ENPP6: variants seen among roughly 807,000 people sequenced by gnomAD.
ENPP6 encodes the protein ectonucleotide pyrophosphatase/phosphodiesterase 6.
A neutral mutation model predicts 42.0 loss-of-function variants in ENPP6; 32 were observed. That is an observed-to-expected ratio of 0.76 (90% CI 0.58 to 1.02). The LOEUF (loss-of-function observed/expected upper bound fraction) is 1.02. Among genes scored for constraint, ENPP6 ranks in the 50% least tolerant of loss-of-function variants. The pLI is 0.00. For synonymous variants in ENPP6, 213 were observed against 216.0 expected, an observed-to-expected ratio of 0.99 and a Z score of 0.12; for missense variants, 552 against 566.8, an observed-to-expected ratio of 0.97 and a Z score of 0.27.
At chr4:184,177,867 A>G (rs1036171288) in intron 1 of ENPP6, among the ~76,000 whole-genome samples, 1 of 152,226 alleles carries the variant, frequency 6.6e-6, no homozygotes, top group African/African-American at 2.4e-5. Context: ...ACTCCATCCA[A>G]ATGTCAGCAG....
chr4:184,168,817 T>C (rs1480330437), intron 1 of ENPP6, among the ~76,000 whole-genome samples: 1 of 152,142 alleles, frequency 6.6e-6, no homozygotes, highest in African/African-American at 2.4e-5. Context: ...GGCCACGCGC[T>C]GCAGCAAACG....
intron 2 of ENPP6, among the ~76,000 whole-genome samples, chr4:184,131,258 C>CTTTCTCTTTCTTTCTTTCCTTCTT (rs1289670998): frequency 0.014 from 509 of 36,174 alleles, 30 homozygotes; most frequent in Admixed American, 0.018. Context: ...CTTTCTCTTT[C>CTTTCTCTTTCTTTCTTTCCTTCTT]TCTTCCTTCC....
intron 1 of ENPP6, among the ~76,000 whole-genome samples, chr4:184,214,334 C>T (rs1733163799): frequency 6.6e-6 from 1 of 152,026 alleles, no homozygotes; most frequent in African/African-American, 2.4e-5. Context: ...TTGCTTTTGT[C>T]CTGATATAAA....
At chr4:184,199,244 T>A (rs985459324) in intron 1 of ENPP6, among the ~76,000 whole-genome samples, 8 of 152,178 alleles carry the variant, frequency 5.3e-5, no homozygotes, top group Non-Finnish European at 7.4e-5. Flanking sequence ...AAGTTACCCA[T>A]CTTCCCTCTT....
At chr4:184,175,103 C>T (rs1046927455) in intron 1 of ENPP6, among the ~76,000 whole-genome samples, 17 of 152,288 alleles carry the variant, frequency 1.1e-4, no homozygotes, top group Admixed American at 4.6e-4. Context: ...GACCTGACCC[C>T]GCTCTCCCTC....
rs548219385 is a variant in ENPP6 at position 184,166,720 on chromosome 4, A to G, written c.242-12987T>C. On this transcript the variant is annotated intron_variant, in intron 1 of 7. Coordinates refer to ENST00000296741, the MANE Select transcript of ENPP6 (RefSeq NM_153343.4). ...GAGGCTTCTCAAAAGATGGTAGATG[A>G]TATTTGGAGGGAGGAGCTTCTTACT... Among the ~76,000 whole-genome samples the G allele has an allele frequency of 2.0e-5, 3 of 152,258 alleles. 1 individual carries two copies. The East Asian group carries it at 5.8e-4, about 29-fold the overall frequency.
chr4:184,124,323 G>T, intron 2 of ENPP6, 51 bp from the exon 3 acceptor site: 1 of 1,373,212 alleles, frequency 7.3e-7, no homozygotes, highest in Non-Finnish European at 1.0e-6. Flanking sequence ...AAGTAATGTC[G>T]AGTTATGAGC....
At chr4:184,094,904 C>T (rs998279755) in intron 7 of ENPP6, among the ~76,000 whole-genome samples, 4 of 152,256 alleles carry the variant, frequency 2.6e-5, no homozygotes, top group Non-Finnish European at 5.9e-5. Context: ...GGACCAGACT[C>T]ACTGACTTCT....
chr4:184,164,222 C>T (rs1737313615), intron 1 of ENPP6, among the ~76,000 whole-genome samples: 1 of 152,194 alleles, frequency 6.6e-6, no homozygotes, highest in Admixed American at 6.5e-5. Flanking sequence ...ACTCTCCGGG[C>T]TAGATTGCAA....
At chr4:184,171,357 C>T (rs1381224074) in intron 1 of ENPP6, among the ~76,000 whole-genome samples, 1 of 152,238 alleles carries the variant, frequency 6.6e-6, no homozygotes, top group Admixed American at 6.5e-5. Context: ...AGAGAACAGG[C>T]TTGGCATTGA....
At position 184,144,361 on chromosome 4, in the gene ENPP6, C is replaced by A. The variant is rs185716874; in HGVS notation, c.421+9193G>T. On this transcript the variant is annotated intron_variant, in intron 2 of 7. Coordinates refer to ENST00000296741, the MANE Select transcript of ENPP6 (RefSeq NM_153343.4). ...GCAGGAGCCCCAGCAGTGCCAGGCC[C>A]TCTCCAGACCTGGCCAGAAACCAGG... is the stretch of plus-strand genomic sequence containing the variant. Among the ~76,000 whole-genome samples the A allele has an allele frequency of 5.9e-5, 9 of 152,288 alleles. No homozygotes were observed. In the East Asian group the frequency reaches 1.5e-3, roughly 26 times the overall value.
At chr4:184,120,327 G>A (rs1350402586) in intron 3 of ENPP6, among the ~76,000 whole-genome samples, 2 of 152,160 alleles carry the variant, frequency 1.3e-5, no homozygotes, top group Non-Finnish European at 2.9e-5. Flanking sequence ...GAGGCTCTGG[G>A]ATCCTGAAGG....
intron 1 of ENPP6, among the ~76,000 whole-genome samples, chr4:184,201,902 G>A (rs1041895264): frequency 1.3e-5 from 2 of 152,076 alleles, no homozygotes; most frequent in African/African-American, 4.8e-5. Context: ...GGTGTCTCTG[G>A]GAAGTATATG....
chr4:184,212,770 C>T (rs536734563), intron 1 of ENPP6, among the ~76,000 whole-genome samples: 14 of 151,834 alleles, frequency 9.2e-5, no homozygotes, highest in East Asian at 3.9e-4. Flanking sequence ...AAAAAGAGCC[C>T]GTATCGCCAA....
intron 2 of ENPP6, among the ~76,000 whole-genome samples, chr4:184,133,421 T>C (rs1023320251): frequency 4.6e-5 from 7 of 152,224 alleles, no homozygotes; most frequent in Non-Finnish European, 1.0e-4. Flanking sequence ...TTTAATTTTT[T>C]CTCAGTTTTC....
rs535650734 is a variant in ENPP6, at chr4:184,148,325, G to A, written c.421+5229C>T. Reference sequence around the variant, plus strand: ...TTGGAAGTTCGTCCCTGGATTTCTCGTTAAAACTTTCTAATCAACATAATG... The same window carrying A: ...TTGGAAGTTCGTCCCTGGATTTCTCATTAAAACTTTCTAATCAACATAATG... On this transcript the variant is annotated intron_variant, in intron 2 of 7. Coordinates refer to ENST00000296741, the MANE Select transcript of ENPP6 (RefSeq NM_153343.4). 6.8e-4 allele frequency among the ~76,000 whole-genome samples: 103 copies of A among 152,260 alleles called. 1 individual carries two copies. The highest frequency in any genetic ancestry group is 2.2e-3 in the African/African-American group (90 of 41,542).
chr4:184,161,984 C>T (rs1579642703), intron 1 of ENPP6, among the ~76,000 whole-genome samples: 1 of 152,220 alleles, frequency 6.6e-6, no homozygotes. Context: ...CACTAAAGAA[C>T]TTACTTATGT....
chr4:184,217,707 T>C lies in ENPP6; in HGVS notation c.113A>G (p.Tyr38Cys), dbSNP rs1453878130. The change falls in exon 1 of 8, where the codon TAC becomes TGC. Residue 38 changes from tyrosine (Y) to cysteine (C), a missense_variant. Around this residue, in one of 2 missense-constraint regions of ENPP6, gnomAD observed 545 missense variants for 546.3 expected, o/e 1.00. Transcript: ENST00000296741. ...TGACTCCAGCGCCTCATCACTGATG[T>C]AGTCTGAGCGAAAACCATCCAGCAG... ...VFLLDGFRSD[Y>C]ISDEALESLP... is the part of the protein sequence containing the mutation. 4 of 1,614,198 alleles carry C rather than the reference T, an allele frequency of 2.5e-6. No homozygotes were observed. Among genetic ancestry groups the C allele is most frequent in the African/African-American group, 1.3e-5 (1 of 75,060 alleles).
chr4:184,109,220 A>G (rs911779787), intron 6 of ENPP6, among the ~76,000 whole-genome samples: 2 of 123,870 alleles, frequency 1.6e-5, no homozygotes, highest in African/African-American at 1.2e-4. Flanking sequence ...CAAAAACAAA[A>G]CAACAACAAC....
Sources: gnomAD v4.1 joint callset for allele counts (sites outside exome capture counted in the v4.1 genomes callset) on GRCh38, gnomAD v4.1.1 for gene constraint, gnomAD v4.1.1 regional missense constraint, MANE v1.5 for transcripts, NCBI Gene and HGNC (gene_info 2026-07-23, HGNC 2026-07-21) for gene names.